KDM7A: variants seen among roughly 807,000 people sequenced by gnomAD.
The protein encoded by KDM7A is lysine-specific demethylase 7A.
A neutral mutation model predicts 114.8 loss-of-function variants in KDM7A; 28 were observed. The ratio of observed to expected loss-of-function variants is 0.24; its 90% confidence interval spans 0.18 to 0.33. The LOEUF (loss-of-function observed/expected upper bound fraction) is 0.33. KDM7A is among the 10% of genes least tolerant of loss of function. The probability of loss-of-function intolerance (pLI) is 1.00; values close to 1 mark genes in which losing one functional copy is unlikely to be tolerated. For missense variants in KDM7A, 942 were observed against 1,142.5 expected (o/e 0.82, Z 2.53); for synonymous variants, 423 against 397.8 (o/e 1.06, Z -0.75).
intron 9 of KDM7A, among the ~76,000 whole-genome samples, chr7:140,118,580 A>AT (rs34658145): frequency 0.37 from 50,960 of 137,804 alleles, 9,188 homozygotes; most frequent in African/African-American, 0.45. Context: ...TAATTTTTGT[A>AT]TTTTTTTTTT....
chr7:140,100,148 G>A, intron 12 of KDM7A, 125 bp from the exon 13 acceptor site: 1 of 954,116 alleles, frequency 1.0e-6, no homozygotes, highest in Non-Finnish European at 1.6e-6. Context: ...CAGCCACCTG[G>A]GCTTGGGGAT....
At chr7:140,150,666 T>C (rs1562958278) in intron 1 of KDM7A, among the ~76,000 whole-genome samples, 1 of 152,152 alleles carries the variant, frequency 6.6e-6, no homozygotes, top group African/African-American at 2.4e-5. Flanking sequence ...TGAATGGATA[T>C]AGAATGGAGA....
chr7:140,136,037 GCAGCCTCAAGCTCCTGGGCTCAAGCA>G (rs1372179849), intron 2 of KDM7A, among the ~76,000 whole-genome samples: 1 of 152,078 alleles, frequency 6.6e-6, no homozygotes, highest in Non-Finnish European at 1.5e-5. Context: ...ACAGTTCACT[GCAGCCTCAAGCTCCTGGGCTCAAGCA>G]ATCCTCCTAT....
In KDM7A at chr7:140,139,167, T is replaced by C; in HGVS notation, c.218A>G (p.His73Arg). 1.2e-6 allele frequency: 2 copies of C among 1,613,472 alleles called. No individual in the cohort carries two copies. Among genetic ancestry groups the C allele is most frequent in the Admixed American group, 1.7e-5 (1 of 59,992 alleles). ...GTGATACAGGTCAATGTCAACAGCATGATGTTCTTCTACTCCAACACAGCT... is the reference window on the plus strand; with the variant it reads ...GTGATACAGGTCAATGTCAACAGCACGATGTTCTTCTACTCCAACACAGCT... ...HGSCVGVEEH[H>R]AVDIDLYHCP... Residue 73 changes from histidine (H) to arginine (R), a missense_variant, in exon 2 of 20, where the codon CAT becomes CGT. By Grantham distance (29) the His-to-Arg change is conservative (BLOSUM62 0). Around this residue, in one of 4 missense-constraint regions of KDM7A, gnomAD observed 318 missense variants for 453.1 expected, o/e 0.70. Transcript: ENST00000397560.
chr7:140,155,285 T>C (rs1794446176), intron 1 of KDM7A, among the ~76,000 whole-genome samples: 2 of 152,168 alleles, frequency 1.3e-5, no homozygotes, highest in African/African-American at 2.4e-5. Context: ...AGATATAACA[T>C]ATCTCTAAGC....
chr7:140,161,804 A>G (rs1585167167), intron 1 of KDM7A, among the ~76,000 whole-genome samples: 1 of 151,658 alleles, frequency 6.6e-6, no homozygotes, highest in Non-Finnish European at 1.5e-5. Context: ...TCGGCCTCCC[A>G]AAGTGCTAGG....
At position 140,116,473 on chromosome 7, in the gene KDM7A, A is replaced by G. The variant is rs1818531376; in HGVS notation, c.1246+2640T>C. Reference sequence around the variant, plus strand: ...TATAACACAGGTGATAAAACTGAAGAAAAGTATTAACACAAAGGTCAGGAT... The same window carrying G: ...TATAACACAGGTGATAAAACTGAAGGAAAGTATTAACACAAAGGTCAGGAT... On this transcript the variant is annotated intron_variant, in intron 9 of 19. Transcript: ENST00000397560. Among the ~76,000 whole-genome samples, 3 of 152,226 alleles carry G rather than the reference A, an allele frequency of 2.0e-5. No individual in the cohort carries two copies. In the East Asian group the frequency reaches 5.8e-4, roughly 29 times the overall value.
chr7:140,100,684 A>ATATATATATATATATATGTG, intron 12 of KDM7A, among the ~76,000 whole-genome samples: 3 of 37,560 alleles, frequency 8.0e-5, no homozygotes, highest in Admixed American at 3.1e-4. Flanking sequence ...ATATATACAT[A>ATATATATATATATATATGTG]TATACATATA....
intron 2 of KDM7A, among the ~76,000 whole-genome samples, chr7:140,134,430 GA>G (rs1562954958): frequency 2.0e-5 from 3 of 152,138 alleles, no homozygotes; most frequent in African/African-American, 7.2e-5. Context: ...CTGTGTGGAA[GA>G]ACCCTTCACA....
chr7:140,085,305 A>C lies in KDM7A; in HGVS notation c.*5789T>G, dbSNP rs1367613786. ...GTCAGGCTAGCAAAACGTTACTACA[A>C]AACTAGTAAATACCAGAGCCAACAA... On this transcript the variant is annotated 3_prime_UTR_variant, in exon 20 of 20. Transcript: ENST00000397560. 1 of 152,182 alleles carries C rather than the reference A, an allele frequency of 6.6e-6. No homozygotes were observed. Among genetic ancestry groups the C allele is most frequent in the African/African-American group, 2.4e-5 (1 of 41,432 alleles). 9.4% of individuals were successfully genotyped at this position (152,182 alleles called of 1,614,324 possible).
chr7:140,101,652 G>T (rs960240711), intron 12 of KDM7A, among the ~76,000 whole-genome samples: 4 of 152,092 alleles, frequency 2.6e-5, no homozygotes, highest in African/African-American at 9.7e-5. Context: ...GCTTCATGAG[G>T]GGCAGGGACT....
At chr7:140,157,359 T>C (rs1794468687) in intron 1 of KDM7A, among the ~76,000 whole-genome samples, 1 of 152,236 alleles carries the variant, frequency 6.6e-6, no homozygotes, top group South Asian at 2.1e-4. Context: ...TACACCATTA[T>C]GTGAAAACAC....
intron 1 of KDM7A, among the ~76,000 whole-genome samples, chr7:140,146,179 A>C (rs1177453187): frequency 6.6e-6 from 1 of 152,256 alleles, no homozygotes; most frequent in African/African-American, 2.4e-5. Context: ...GAAATCTGGT[A>C]AACTAGTACA....
Position 140,097,655 on chromosome 7 carries a change from G to A in KDM7A, c.1919-13C>T. 3 of 1,415,760 alleles carry A rather than the reference G, an allele frequency of 2.1e-6. No individual in the cohort carries two copies. The highest frequency in any genetic ancestry group is 2.0e-6 in the Non-Finnish European group (2 of 1,001,784). 87.7% of individuals were successfully genotyped at this position (1,415,760 alleles called of 1,614,324 possible). A position where few individuals can be genotyped will look rare whatever the true frequency, so the allele number is the denominator to read the frequency against. On this transcript the variant is annotated splice_polypyrimidine_tract_variant and intron_variant, in intron 14 of 19. Coordinates refer to ENST00000397560, the MANE Select transcript of KDM7A (RefSeq NM_030647.2). Reference sequence around the variant, plus strand: ...CGTGTAAAAAACCCTGAAAAAGAATGAAAGGATGAGAAAAAGAGAAAGTCA... The same window carrying A: ...CGTGTAAAAAACCCTGAAAAAGAATAAAAGGATGAGAAAAAGAGAAAGTCA...
intron 14 of KDM7A, 43 bp downstream of exon 14, chr7:140,098,836 T>C: frequency 6.7e-7 from 1 of 1,491,580 alleles, no homozygotes; most frequent in Non-Finnish European, 9.3e-7. Context: ...ATTATCACAT[T>C]AGTAATCAAA....
chr7:140,115,297 C>A (rs985080537), intron 9 of KDM7A, among the ~76,000 whole-genome samples: 2 of 152,244 alleles, frequency 1.3e-5, no homozygotes, highest in Non-Finnish European at 2.9e-5. Context: ...GGAGGTGTAA[C>A]CCAACAGCTC....
chr7:140,101,865 T>C, intron 12 of KDM7A, 86 bp downstream of exon 12: 1 of 861,448 alleles, frequency 1.2e-6, no homozygotes, highest in Non-Finnish European at 1.9e-6. Context: ...ATATCAACAA[T>C]AGTCAAGACT....
At chr7:140,166,811 A>T (rs1460612874) in intron 1 of KDM7A, among the ~76,000 whole-genome samples, 1 of 152,256 alleles carries the variant, frequency 6.6e-6, no homozygotes, top group Non-Finnish European at 1.5e-5. Flanking sequence ...GAAATCAAAT[A>T]GAGGCATAAG....
At chr7:140,106,078 G>A (rs1818333765) in intron 11 of KDM7A, among the ~76,000 whole-genome samples, 1 of 152,224 alleles carries the variant, frequency 6.6e-6, no homozygotes, top group Non-Finnish European at 1.5e-5. Context: ...TATTTGCACA[G>A]AGGTGTTTAT....
Sources: allele counts gnomAD v4.1 joint callset (sites outside exome capture counted in the v4.1 genomes callset), GRCh38; gene constraint gnomAD v4.1.1; regional missense constraint gnomAD v4.1.1; transcripts MANE v1.5; gene names NCBI Gene and HGNC (gene_info 2026-07-23, HGNC 2026-07-21).